Variants in AP3B1 observed in about 807,000 individuals in gnomAD.
The protein encoded by AP3B1 is AP-3 complex subunit beta-1.
AP3B1 carries 61 observed loss-of-function variants against 132.5 expected under a neutral mutation model. The observed-to-expected ratio is 0.46, with a 90% CI of 0.37 to 0.57. AP3B1 has a LOEUF of 0.57. Among genes scored for constraint, AP3B1 ranks in the 20% least tolerant of loss-of-function variants. The pLI is 0.00. For synonymous variants in AP3B1, 388 were observed against 438.3 expected (o/e 0.89, Z 1.43); for missense variants, 1,120 against 1,289.4 (o/e 0.87, Z 2.01).
At chr5:78,217,216 G>A (rs567607193) in intron 6 of AP3B1, among the ~76,000 whole-genome samples, 46 of 152,166 alleles carry the variant, frequency 3.0e-4, no homozygotes, top group African/African-American at 1.1e-3. Context: ...TAGATACAAT[G>A]ATATTCATAT....
chr5:78,291,056 T>C (rs560497722), intron 1 of AP3B1, among the ~76,000 whole-genome samples: 1 of 152,246 alleles, frequency 6.6e-6, no homozygotes, highest in African/African-American at 2.4e-5. Context: ...AGCCAATAAA[T>C]TAGGTATAGG....
intron 7 of AP3B1, among the ~76,000 whole-genome samples, chr5:78,199,048 A>G (rs1008812759): frequency 2.0e-5 from 3 of 152,164 alleles, no homozygotes; most frequent in African/African-American, 7.2e-5. Context: ...TGACCACTAT[A>G]CTACACAGGT....
At chr5:78,172,094 T>C (rs1743943597) in intron 11 of AP3B1, among the ~76,000 whole-genome samples, 1 of 152,242 alleles carries the variant, frequency 6.6e-6, no homozygotes, top group South Asian at 2.1e-4. Flanking sequence ...GAATCCATCT[T>C]GACTGTGGTG....
intron 22 of AP3B1, among the ~76,000 whole-genome samples, chr5:78,048,908 G>C (rs1009687748): frequency 2.6e-5 from 4 of 152,168 alleles, no homozygotes; most frequent in African/African-American, 4.8e-5. Flanking sequence ...CTTGTAATGG[G>C]AGAATGCCCC....
chr5:78,039,374 T>C (rs994187250), intron 22 of AP3B1, 100 bp from the exon 23 acceptor site: 17 of 906,764 alleles, frequency 1.9e-5, no homozygotes, highest in Non-Finnish European at 2.8e-5. Context: ...TTGGTTCCCC[T>C]ACAGTATTAT....
chr5:78,245,662 T>A (rs1747350216), intron 2 of AP3B1, among the ~76,000 whole-genome samples: 1 of 152,104 alleles, frequency 6.6e-6, no homozygotes, highest in African/African-American at 2.4e-5. Flanking sequence ...TATTCCTCCT[T>A]ATCCACTCAA....
At chr5:78,193,003 A>T (rs986349936) in intron 7 of AP3B1, among the ~76,000 whole-genome samples, 2 of 152,200 alleles carry the variant, frequency 1.3e-5, no homozygotes, top group Non-Finnish European at 2.9e-5. Context: ...ACTATGATTA[A>T]TATGTTCAAG....
chr5:78,021,996 C>T (rs1747123538), intron 24 of AP3B1, among the ~76,000 whole-genome samples: 1 of 152,110 alleles, frequency 6.6e-6, no homozygotes, highest in African/African-American at 2.4e-5. Flanking sequence ...AAATACTAAA[C>T]ATTAGGTTAA....
chr5:78,221,381 A>C (rs746129776), intron 6 of AP3B1, among the ~76,000 whole-genome samples: 5 of 152,222 alleles, frequency 3.3e-5, no homozygotes, highest in African/African-American at 4.8e-5. Context: ...AAAGGAAACA[A>C]CACGACACTT....
At chr5:78,068,319 A>G (rs1246641210) in intron 22 of AP3B1, among the ~76,000 whole-genome samples, 3 of 152,110 alleles carry the variant, frequency 2.0e-5, no homozygotes, top group Middle Eastern at 3.4e-3. Flanking sequence ...GCAAAATTCC[A>G]TCTAAAAGAA....
chr5:78,208,738 G>T (rs762141760), intron 7 of AP3B1, among the ~76,000 whole-genome samples: 1 of 152,068 alleles, frequency 6.6e-6, no homozygotes, highest in African/African-American at 2.4e-5. Flanking sequence ...ATAATATTTG[G>T]AGAATATTTA....
intron 7 of AP3B1, among the ~76,000 whole-genome samples, chr5:78,200,664 C>A (rs1224931875): frequency 4.6e-5 from 7 of 151,940 alleles, no homozygotes; most frequent in East Asian, 1.9e-4. Context: ...AAAACAACAA[C>A]AAAAAAGTAT....
At chr5:78,171,329 T>C (rs1400708164) in intron 11 of AP3B1, among the ~76,000 whole-genome samples, 2 of 152,222 alleles carry the variant, frequency 1.3e-5, no homozygotes, top group Non-Finnish European at 2.9e-5. Flanking sequence ...TTGGGCAGTA[T>C]GGCCATTACC....
intron 7 of AP3B1, among the ~76,000 whole-genome samples, chr5:78,194,146 C>A (rs1339181919): frequency 2.0e-5 from 3 of 152,024 alleles, no homozygotes; most frequent in Non-Finnish European, 4.4e-5. Flanking sequence ...AGTAGAAAAA[C>A]CCCTTATGTA....
intron 20 of AP3B1, among the ~76,000 whole-genome samples, chr5:78,101,691 C>T (rs1278970909): frequency 1.3e-5 from 2 of 152,026 alleles, no homozygotes; most frequent in Admixed American, 6.5e-5. Context: ...TTTGCTTATT[C>T]GGTCTACTGT....
rs541007287 is a variant in AP3B1 at position 78,198,061 on chromosome 5, C to A, written c.787-16399G>T. On this transcript the variant is annotated intron_variant, in intron 7 of 26. Transcript: ENST00000255194. Reference sequence around the variant, plus strand: ...AAATGGTAGAGCCAGGATTTGAACTCGGGAATTATTATTCTTTATCCTGTC... The same window carrying A: ...AAATGGTAGAGCCAGGATTTGAACTAGGGAATTATTATTCTTTATCCTGTC... 5.9e-5 allele frequency among the ~76,000 whole-genome samples: 9 copies of A among 152,200 alleles called. No homozygotes were observed. The South Asian group carries it at 1.5e-3, about 25-fold the overall frequency.
intron 6 of AP3B1, among the ~76,000 whole-genome samples, chr5:78,217,025 C>T (rs1000914536): frequency 7.2e-5 from 11 of 151,990 alleles, no homozygotes; most frequent in African/African-American, 1.7e-4. Flanking sequence ...CTTCTCTATA[C>T]GTACAAATGA....
chr5:78,150,945 G>C (rs943653060), intron 14 of AP3B1, among the ~76,000 whole-genome samples: 3 of 151,894 alleles, frequency 2.0e-5, no homozygotes, highest in African/African-American at 7.3e-5. Context: ...TTGAGACAGA[G>C]TCTCGCTCTG....
At chr5:78,016,939 C>A (rs1746881574) in intron 25 of AP3B1, among the ~76,000 whole-genome samples, 1 of 152,084 alleles carries the variant, frequency 6.6e-6, no homozygotes, top group Non-Finnish European at 1.5e-5. Context: ...CTCCATTAAG[C>A]TCTATTGAAG....
Sources: gnomAD v4.1 joint callset for allele counts (sites outside exome capture counted in the v4.1 genomes callset) on GRCh38, gnomAD v4.1.1 for gene constraint, MANE v1.5 for transcripts, NCBI Gene and HGNC (gene_info 2026-07-23, HGNC 2026-07-21) for gene names.